TGM2: variants seen among roughly 807,000 people sequenced by gnomAD.
The protein encoded by TGM2 is transglutaminase 2.
TGM2 carries 53 observed loss-of-function variants against 75.6 expected under a neutral mutation model. That is an observed-to-expected ratio of 0.70 (90% CI 0.56 to 0.88). TGM2 has a LOEUF of 0.88. Ranked by LOEUF, TGM2 falls within the 40% of genes least tolerant of loss-of-function variation. The probability of loss-of-function intolerance (pLI) is 0.00; values close to 1 mark genes in which losing one functional copy is unlikely to be tolerated. For synonymous variants in TGM2, 374 were observed against 381.1 expected (o/e 0.98, Z 0.22); for missense variants, 842 against 928.5 (o/e 0.91, Z 1.21).
chr20:38,146,154 T>C (rs1412871599), intron 6 of TGM2: 2 of 154,488 alleles, frequency 1.3e-5, no homozygotes, highest in African/African-American at 2.4e-5. Flanking sequence ...TATTTTACTT[T>C]TTTGGTTTTA....
chr20:38,146,581 G>A (rs1007494329), intron 6 of TGM2, 136 bp downstream of exon 6: 2 of 1,062,036 alleles, frequency 1.9e-6, no homozygotes, highest in African/African-American at 1.6e-5. Context: ...GGTGGTCACA[G>A]GCTCTAGGCC....
intron 6 of TGM2, among the ~76,000 whole-genome samples, chr20:38,143,569 G>A (rs552949623): frequency 7.9e-5 from 12 of 152,314 alleles, no homozygotes; most frequent in East Asian, 7.7e-4. Flanking sequence ...TCAGAGAGGC[G>A]AGGAGCACAG....
chr20:38,141,405 G>T lies in TGM2; in HGVS notation c.996-20C>A. The T allele has an allele frequency of 1.3e-6, 2 of 1,538,372 alleles. No homozygotes were observed. The highest frequency in any genetic ancestry group is 1.4e-5 in the African/African-American group (1 of 73,412). Reference sequence around the variant, plus strand: ...AAGTTCCTGAGGGGGATAGGGGGGCGGGAATGAAGCAGAACATGAGCAACA... The same window carrying T: ...AAGTTCCTGAGGGGGATAGGGGGGCTGGAATGAAGCAGAACATGAGCAACA... On this transcript the variant is annotated intron_variant, in intron 7 of 12. Coordinates refer to ENST00000361475, the MANE Select transcript of TGM2 (RefSeq NM_004613.4).
chr20:38,152,778 T>G (rs1437124602), intron 3 of TGM2, among the ~76,000 whole-genome samples: 2 of 152,202 alleles, frequency 1.3e-5, no homozygotes, highest in African/African-American at 4.8e-5. Flanking sequence ...CATCACCAGC[T>G]CCACAGTTCC....
chr20:38,135,790 G>A (rs6023306), intron 10 of TGM2, among the ~76,000 whole-genome samples: 47 of 152,206 alleles, frequency 3.1e-4, no homozygotes, highest in African/African-American at 1.0e-3. Flanking sequence ...GCCTCCCCAC[G>A]CCTCTTAGCA....
chr20:38,134,492 C>T (rs1048117627), intron 10 of TGM2, among the ~76,000 whole-genome samples: 2 of 152,198 alleles, frequency 1.3e-5, no homozygotes, highest in African/African-American at 4.8e-5. Context: ...GAGGCCAGGG[C>T]AGGGCTGGAC....
chr20:38,131,562 G>T (rs1453188705), intron 11 of TGM2, among the ~76,000 whole-genome samples: 2 of 152,146 alleles, frequency 1.3e-5, no homozygotes, highest in Non-Finnish European at 2.9e-5. Flanking sequence ...GTGACCTGGG[G>T]AAGTTACTCC....
chr20:38,157,825 A>G (rs1378295123), intron 2 of TGM2, among the ~76,000 whole-genome samples: 1 of 152,266 alleles, frequency 6.6e-6, no homozygotes, highest in Non-Finnish European at 1.5e-5. Context: ...ACCAGCTCAC[A>G]GTAATCATGC....
chr20:38,160,789 G>A (rs2122969689), intron 2 of TGM2, among the ~76,000 whole-genome samples: 1 of 152,352 alleles, frequency 6.6e-6, no homozygotes. Context: ...AGGCAGCAGA[G>A]AGATTAGAAA....
chr20:38,166,562 G>A (rs539354606), upstream of TGM2: 1 of 152,220 alleles, frequency 6.6e-6, no homozygotes, highest in African/African-American at 2.4e-5. Context: ...GGGCTTCCCT[G>A]GCACTTTTTC....
Position 38,141,273 on chromosome 20 carries a change from C to T in TGM2, c.1099+9G>A. On this transcript the variant is annotated intron_variant, in intron 8 of 12. Coordinates refer to ENST00000361475, the MANE Select transcript of TGM2 (RefSeq NM_004613.4). ...CATCTGTTTGACGCGACAGTGCCCG[C>T]CCACGCACCTTCGCTCTTCTCCTGG... The T allele has an allele frequency of 1.3e-6, 2 of 1,560,054 alleles. No individual in the cohort carries two copies. Among genetic ancestry groups the T allele is most frequent in the Non-Finnish European group, 1.7e-6 (2 of 1,150,942 alleles).
chr20:38,128,565 G>T lies in TGM2; in HGVS notation c.*1654C>A, dbSNP rs1407309540. ...CCCAAGGCTTTTATAAAACCGTAGA[G>T]AAATAGAGCTCTATGTATAGAGAAA... is the stretch of plus-strand genomic sequence containing the variant. On this transcript the variant is annotated 3_prime_UTR_variant, in exon 13 of 13. Transcript: ENST00000361475. The T allele has an allele frequency of 2.0e-5, 3 of 152,230 alleles. No individual in the cohort carries two copies. Among genetic ancestry groups the T allele is most frequent in the Admixed American group, 6.5e-5 (1 of 15,290 alleles). 9.4% of individuals were successfully genotyped at this position (152,230 alleles called of 1,614,324 possible). A position where few individuals can be genotyped will look rare whatever the true frequency, so the allele number is the denominator to read the frequency against.
chr20:38,147,308 C>T (rs1343885600), intron 5 of TGM2, among the ~76,000 whole-genome samples: 2 of 152,096 alleles, frequency 1.3e-5, no homozygotes, highest in African/African-American at 4.8e-5. Flanking sequence ...ATCCAAGAGG[C>T]CCTTCTGGTC....
In TGM2 at chr20:38,148,048, A is replaced by T. The variant is rs1356311091; in HGVS notation, c.594T>A (p.Asp198Glu). The change falls in exon 5 of 13, where the codon GAT (aspartate) becomes GAA (glutamate). Residue 198 changes from aspartate (D) to glutamate (E), a missense_variant. Coordinates refer to ENST00000361475, the MANE Select transcript of TGM2 (RefSeq NM_004613.4). Reference protein sequence around the residue: ...GILDICLILLDVNPKFLKNAG... With the variant: ...GILDICLILLEVNPKFLKNAG... The stretch of plus-strand genomic sequence containing the variant: ...CGTTCTTCAGGAACTTGGGGTTGAC[A>T]TCTAGAAGGATCAGGCAGATGTCTA... 1 of 1,614,154 alleles carries T rather than the reference A, an allele frequency of 6.2e-7. No homozygotes were observed. The highest frequency in any genetic ancestry group is 8.5e-7 in the Non-Finnish European group (1 of 1,180,028).
At chr20:38,153,528 A>AAAAAAAAAAG (rs56670550) in intron 3 of TGM2, among the ~76,000 whole-genome samples, 2 of 125,274 alleles carry the variant, frequency 1.6e-5, no homozygotes, top group East Asian at 2.9e-4. Context: ...TGGTCTCAAA[A>AAAAAAAAAAG]AAAAGAAAAA....
chr20:38,150,366 T>C (rs866279089), intron 4 of TGM2, among the ~76,000 whole-genome samples: 1 of 152,164 alleles, frequency 6.6e-6, no homozygotes, highest in Non-Finnish European at 1.5e-5. Context: ...GTGATTGTTG[T>C]TTTTAGCCCC....
intron 9 of TGM2, 61 bp downstream of exon 9, chr20:38,139,351 C>T (rs1323298465): frequency 3.7e-6 from 6 of 1,612,416 alleles, no homozygotes; most frequent in African/African-American, 2.7e-5. Flanking sequence ...ACGAGCCTGC[C>T]GGGCTGGGAA....
chr20:38,165,052 C>G, intron 1 of TGM2, 137 bp downstream of exon 1: 2 of 1,254,796 alleles, frequency 1.6e-6, no homozygotes, highest in Non-Finnish European at 2.3e-6. Context: ...CTCCAAGCAG[C>G]ATTGAGACGC....
At chr20:38,160,817 AAGGGCAGAC>A (rs1456210607) in intron 2 of TGM2, among the ~76,000 whole-genome samples, 1 of 152,182 alleles carries the variant, frequency 6.6e-6, no homozygotes, top group African/African-American at 2.4e-5. Flanking sequence ...TGATATGGGA[AAGGGCAGAC>A]AGGATCTTTT....
Sources: gnomAD v4.1 joint callset for allele counts (sites outside exome capture counted in the v4.1 genomes callset) on GRCh38, gnomAD v4.1.1 for gene constraint, MANE v1.5 for transcripts, NCBI Gene and HGNC (gene_info 2026-07-23, HGNC 2026-07-21) for gene names.